The following CCDC66 variants were observed in gnomAD, a reference collection of about 807,000 sequenced individuals.
CCDC66 encodes coiled-coil domain-containing protein 66.
A neutral mutation model predicts 128.3 loss-of-function variants in CCDC66; 133 were observed. The observed-to-expected ratio is 1.04, with a 90% CI of 0.90 to 1.20. CCDC66 has a LOEUF of 1.20. Ranked by LOEUF, CCDC66 falls within the 50% of genes most tolerant of loss-of-function variation. CCDC66 has a pLI of 0.00. For synonymous variants in CCDC66, 387 were observed against 357.0 expected (o/e 1.08, Z -0.95); for missense variants, 1,126 against 1,075.5 (o/e 1.05, Z -0.66).
intron 10 of CCDC66, among the ~76,000 whole-genome samples, 160 bp from the exon 11 acceptor site, chr3:56,613,429 G>A (rs551688433): frequency 2.6e-5 from 4 of 152,214 alleles, no homozygotes; most frequent in African/African-American, 9.6e-5. Flanking sequence ...GAATTCCACT[G>A]TTCTCTGTTA....
At chr3:56,605,469 T>C (rs2073930620) in intron 10 of CCDC66, among the ~76,000 whole-genome samples, 1 of 152,050 alleles carries the variant, frequency 6.6e-6, no homozygotes, top group South Asian at 2.1e-4. Flanking sequence ...TGGACATCCT[T>C]TTTGTTGTTG....
rs1231967800 is a variant in CCDC66, at chr3:56,561,495, G to A, written c.102+1901G>A. On this transcript the variant is annotated intron_variant, in intron 3 of 17. Coordinates refer to ENST00000394672, the MANE Select transcript of CCDC66 (RefSeq NM_001141947.3). ...TTTTTTTTTTAAGAGTAACTACTGT[G>A]TTCTCAACTGATGTTGAGCCTAAAT... The A allele has an allele frequency of 1.3e-5, 4 of 303,266 alleles. No individual in the cohort carries two copies. The Admixed American group carries it at 1.9e-4, about 14-fold the overall frequency. 18.8% of individuals were successfully genotyped at this position (303,266 alleles called of 1,614,324 possible).
At position 56,593,925 on chromosome 3, in the gene CCDC66, AATGT is replaced by A. The variant is rs1347790334; in HGVS notation, c.1320-12_1320-9del. The A allele has an allele frequency of 1.9e-6, 3 of 1,612,344 alleles. No individual in the cohort carries two copies. The highest frequency in any genetic ancestry group is 2.5e-6 in the Non-Finnish European group (3 of 1,178,552). ...TACCTTTTTGAGGTTTTGAATAGCTAATGTATGTATCTTGCCAGCTTTCTCCGTT... is the reference window on the plus strand; with the variant it reads ...TACCTTTTTGAGGTTTTGAATAGCTAATGTATCTTGCCAGCTTTCTCCGTT... On this transcript the variant is annotated splice_polypyrimidine_tract_variant and intron_variant, in intron 9 of 17. Coordinates refer to ENST00000394672, the MANE Select transcript of CCDC66 (RefSeq NM_001141947.3).
intron 10 of CCDC66, among the ~76,000 whole-genome samples, chr3:56,605,126 A>G (rs913430937): frequency 6.6e-6 from 1 of 151,946 alleles, no homozygotes; most frequent in Non-Finnish European, 1.5e-5. Context: ...CCGTCAGGTC[A>G]TTTATGTTCT....
intron 6 of CCDC66, chr3:56,570,412 CTAT>C (rs2066464970): frequency 6.6e-6 from 1 of 152,208 alleles, no homozygotes; most frequent in Admixed American, 6.6e-5. Flanking sequence ...GAGATAGGCA[CTAT>C]TATTATCCCC....
intron 10 of CCDC66, among the ~76,000 whole-genome samples, chr3:56,603,203 T>C (rs1034364186): frequency 1.4e-5 from 2 of 142,006 alleles, no homozygotes; most frequent in Non-Finnish European, 3.2e-5. Context: ...TGGCTAGTGG[T>C]CTGTCTATTT....
chr3:56,618,067 C>A, intron 14 of CCDC66, 105 bp from the exon 15 acceptor site: 2 of 918,758 alleles, frequency 2.2e-6, no homozygotes, highest in Non-Finnish European at 3.6e-6. Context: ...ACCTGTTATT[C>A]AAATATTACC....
chr3:56,615,251 A>C lies in CCDC66; in HGVS notation c.1690A>C (p.Arg564=), dbSNP rs1031402246. 1.3e-5 allele frequency: 21 copies of C among 1,612,576 alleles called. No individual in the cohort carries two copies. Among genetic ancestry groups the C allele is most frequent in the Non-Finnish European group, 1.8e-5 (21 of 1,179,374 alleles). Residue 564 remains arginine, a synonymous_variant, in exon 12 of 18, where the codon AGA becomes CGA. Coordinates refer to ENST00000394672, the MANE Select transcript of CCDC66 (RefSeq NM_001141947.3). ...ELAQKGHDTS[R]LIKNLGVDTI... is the part of the protein sequence containing the mutation. ...GGCGCAAAAGGGACATGACACTTCT[A>C]GACTGATTAAAAATCTTGGTGGTAA...
At chr3:56,610,011 TC>T in intron 10 of CCDC66, among the ~76,000 whole-genome samples, 1 of 152,332 alleles carries the variant, frequency 6.6e-6, no homozygotes, top group Admixed American at 6.5e-5. Context: ...TAAGATTCTT[TC>T]CTTCGTCTTC....
chr3:56,609,642 TTTTTTG>T (rs1335599611), intron 10 of CCDC66, among the ~76,000 whole-genome samples: 1 of 152,142 alleles, frequency 6.6e-6, no homozygotes, highest in Admixed American at 6.5e-5. Flanking sequence ...TTTGGATTTG[TTTTTTG>T]TTTTTGTTTT....
At chr3:56,568,200 G>C (rs1317828722) in intron 6 of CCDC66, among the ~76,000 whole-genome samples, 2 of 152,138 alleles carry the variant, frequency 1.3e-5, no homozygotes, top group Non-Finnish European at 2.9e-5. Flanking sequence ...GCTTTGCAAG[G>C]CTACTTCTGT....
chr3:56,577,959 G>A (rs2067667675), intron 7 of CCDC66, among the ~76,000 whole-genome samples: 1 of 151,816 alleles, frequency 6.6e-6, no homozygotes, highest in Non-Finnish European at 1.5e-5. Flanking sequence ...TGTGAAGAAA[G>A]TCAGTGGTAG....
At position 56,614,221 on chromosome 3, in the gene CCDC66, A is replaced by T. The variant is rs1172649030; in HGVS notation, c.1566+471A>T. Among the ~76,000 whole-genome samples the T allele has an allele frequency of 2.0e-5, 3 of 152,184 alleles. 1 individual carries two copies. The South Asian group carries it at 6.2e-4, about 32-fold the overall frequency. On this transcript the variant is annotated intron_variant, in intron 11 of 17. Transcript: ENST00000394672. ...TGAGAAAGTTTTATTATTTCACATG[A>T]TATAGTTCTCAAATGTTATATTGGT...
In CCDC66 at chr3:56,618,164, T is replaced by C; in HGVS notation, c.2338-8T>C. ...ATTCCTTTCTGCATTTATCTATCCA[T>C]ATTTTAGGAAGAAGAGCCTCTGAAT... On this transcript the variant is annotated splice_region_variant and splice_polypyrimidine_tract_variant and intron_variant, in intron 14 of 17. Coordinates refer to ENST00000394672, the MANE Select transcript of CCDC66 (RefSeq NM_001141947.3). The C allele has an allele frequency of 6.2e-7, 1 of 1,606,848 alleles. No homozygotes were observed. Among genetic ancestry groups the C allele is most frequent in the Non-Finnish European group, 8.5e-7 (1 of 1,173,574 alleles).
At chr3:56,598,897 CTT>C (rs1559719068) in intron 10 of CCDC66, among the ~76,000 whole-genome samples, 2 of 151,962 alleles carry the variant, frequency 1.3e-5, no homozygotes, top group South Asian at 4.2e-4. Flanking sequence ...TTGTTGTGTC[CTT>C]CTCTGGCTTT....
intron 7 of CCDC66, among the ~76,000 whole-genome samples, chr3:56,585,383 T>A (rs1347138252): frequency 1.3e-5 from 2 of 151,730 alleles, no homozygotes; most frequent in African/African-American, 4.8e-5. Flanking sequence ...ACTCCCAGAA[T>A]ATAGGAAGAA....
In CCDC66 at chr3:56,616,029, A is replaced by C. The variant is rs77844183; in HGVS notation, c.1819A>C (p.Lys607Gln). ...MNTYMNSTTS[K>Q]KDTGVQTDDL... ...TACATATATGAATTCTACGACTTCT[A>C]AGAAGGATACTGGTGTGCAAACAGG... Residue 607 changes from lysine (K) to glutamine (Q), a missense_variant, in exon 13 of 18, where the codon AAG (lysine) becomes CAG (glutamine). By Grantham distance (53) the Lys-to-Gln change is moderately conservative. Transcript: ENST00000394672. 7 of 1,324,688 alleles carry C rather than the reference A, an allele frequency of 5.3e-6. No individual in the cohort carries two copies. In the South Asian group the frequency reaches 9.5e-5, roughly 18 times the overall value. 82.1% of individuals were successfully genotyped at this position (1,324,688 alleles called of 1,614,324 possible).
chr3:56,611,575 C>G (rs1409900596), intron 10 of CCDC66, among the ~76,000 whole-genome samples: 1 of 134,766 alleles, frequency 7.4e-6, no homozygotes, highest in African/African-American at 2.7e-5. Context: ...CCCCACCCCC[C>G]ACGCCCAGTT....
chr3:56,618,295 C>T, intron 15 of CCDC66, 83 bp downstream of exon 15: 1 of 1,190,140 alleles, frequency 8.4e-7, no homozygotes, highest in South Asian at 1.2e-5. Context: ...TGGACAGCAT[C>T]ATATGGTATA....
Sources: allele counts gnomAD v4.1 joint callset (sites outside exome capture counted in the v4.1 genomes callset), GRCh38; gene constraint gnomAD v4.1.1; transcripts MANE v1.5; gene names NCBI Gene and HGNC (gene_info 2026-07-23, HGNC 2026-07-21).